KLC1: variants seen among roughly 807,000 people sequenced by gnomAD.
KLC1 encodes kinesin 2 60/70kDa.
Under a neutral mutation model 84.2 loss-of-function variants are expected in KLC1, and 30 were observed. The observed-to-expected ratio is 0.36, with a 90% CI of 0.27 to 0.48. The LOEUF is 0.48. Among genes scored for constraint, KLC1 ranks in the 20% least tolerant of loss-of-function variants. The probability of loss-of-function intolerance (pLI) is 0.99; values close to 1 mark genes in which losing one functional copy is unlikely to be tolerated. For missense variants in KLC1, 499 were observed against 805.4 expected (o/e 0.62, Z 4.60); for synonymous variants, 289 against 293.3 (o/e 0.99, Z 0.15).
rs2082275606 is a variant in KLC1 at position 103,694,046 on chromosome 14, T to C, written c.1848+1621T>C. 12 of 997,062 alleles carry C rather than the reference T, an allele frequency of 1.2e-5. No individual in the cohort carries two copies. Among genetic ancestry groups the C allele is most frequent in the Non-Finnish European group, 1.4e-5 (12 of 836,292 alleles). The allele number at this position is 997,062 out of a possible 1,614,324, so 61.8% of individuals were successfully genotyped here. ...ACATAAAGTACCCCTTTCAGAACGATAGGCATTTAGTGATCTATGGCAGTA... is the reference window on the plus strand; with the variant it reads ...ACATAAAGTACCCCTTTCAGAACGACAGGCATTTAGTGATCTATGGCAGTA... On this transcript the variant is annotated intron_variant, in intron 15 of 16. Transcript: ENST00000334553. This position sits in a 1 kb window ranked among gnomAD's most constrained non-coding sequence, Gnocchi z 4.5.
Position 103,673,038 on chromosome 14 carries a change from G to T in KLC1, c.1012G>T (p.Val338Phe). 1 of 1,613,984 alleles carries T rather than the reference G, an allele frequency of 6.2e-7. No homozygotes were observed. Among genetic ancestry groups the T allele is most frequent in the Non-Finnish European group, 8.5e-7 (1 of 1,179,996 alleles). ...GGTTTTGGGGAAGGATCACCCCGAT[G>T]TTGCCAAGCAGTTAAATAACTTGGC... The part of the protein sequence containing the change: ...EKVLGKDHPD[V>F]AKQLNNLALL... Residue 338 changes from valine to phenylalanine, a missense_variant, in exon 8 of 17, where the codon GTT (valine) becomes TTT (phenylalanine). Transcript: ENST00000334553.
chr14:103,700,465 C>T, intron 15 of KLC1, 190 bp from the exon 16 acceptor site: 1 of 501,732 alleles, frequency 2.0e-6, no homozygotes, highest in South Asian at 3.0e-5. Flanking sequence ...CTCCTGGCAC[C>T]AAGCAGTGTA....
chr14:103,693,694 C>G lies in KLC1; in HGVS notation c.1848+1269C>G. The G allele has an allele frequency of 6.6e-7, 1 of 1,510,100 alleles. No individual in the cohort carries two copies. The allele number at this position is 1,510,100 out of a possible 1,614,324, so 93.5% of individuals were successfully genotyped here. ...CTGCCACGCCCCTCACCGCCCTGCC[C>G]GGAGGCGCCAGCCGCACTCCTTGGC... is the stretch of plus-strand genomic sequence containing the variant. On this transcript the variant is annotated intron_variant, in intron 15 of 16. Transcript: ENST00000334553. The surrounding 1 kb of genome is among the most constrained non-coding windows in gnomAD (Gnocchi z 5.1).
rs540399555 is a variant in KLC1 at position 103,688,441 on chromosome 14, G to A, written c.1781+1230G>A. ...GCTGGGATTACAGGTGTGAGCCACC[G>A]TGCCTGGCCTATTTTGTCTTTTAAA... is the stretch of plus-strand genomic sequence containing the variant. On this transcript the variant is annotated intron_variant, in intron 14 of 16. Transcript: ENST00000334553. Among the ~76,000 whole-genome samples, 12 of 152,188 alleles carry A rather than the reference G, an allele frequency of 7.9e-5. No homozygotes were observed. The South Asian group carries it at 1.7e-3, about 21-fold the overall frequency.
At chr14:103,673,271 A>C in intron 8 of KLC1, 61 bp from the exon 9 acceptor site, 1 of 1,552,966 alleles carries the variant, frequency 6.4e-7, no homozygotes, top group South Asian at 1.2e-5. Flanking sequence ...ACTGGAGATT[A>C]AAATGTATGC....
intron 13 of KLC1, among the ~76,000 whole-genome samples, chr14:103,681,528 C>T (rs773950534): frequency 9.2e-5 from 14 of 151,984 alleles, no homozygotes; most frequent in South Asian, 2.1e-4. Context: ...CACGCTATCT[C>T]GGCTCACTGC....
intron 1 of KLC1, among the ~76,000 whole-genome samples, chr14:103,637,140 T>A (rs192405510): frequency 1.3e-5 from 2 of 152,166 alleles, no homozygotes; most frequent in East Asian, 3.9e-4. Flanking sequence ...GTCGCAAATA[T>A]TTTTTCCTAA....
At chr14:103,700,629 G>A in intron 15 of KLC1, 26 bp from the exon 16 acceptor site, 1 of 1,597,556 alleles carries the variant, frequency 6.3e-7, no homozygotes, top group African/African-American at 1.4e-5. Context: ...CGCCCTGAGT[G>A]AAACTCGTCT....
intron 2 of KLC1, among the ~76,000 whole-genome samples, chr14:103,656,715 A>G (rs1318474376): frequency 1.3e-5 from 2 of 152,220 alleles, no homozygotes; most frequent in African/African-American, 4.8e-5. Context: ...ATGAATTTAA[A>G]CTTGCTTTTT....
At position 103,693,412 on chromosome 14, in the gene KLC1, A is replaced by T; in HGVS notation, c.1848+987A>T. ...CCCTCCAGTTTCTTGGAGTTTCTAC[A>T]TGCACATTGACCCCTGGGCCTCTCG... On this transcript the variant is annotated intron_variant, in intron 15 of 16. Transcript: ENST00000334553. The surrounding 1 kb of genome is among the most constrained non-coding windows in gnomAD (Gnocchi z 5.1). 3 of 1,304,696 alleles carry T rather than the reference A, an allele frequency of 2.3e-6. No individual in the cohort carries two copies. The East Asian group carries it at 7.6e-5, about 33-fold the overall frequency. 80.8% of individuals were successfully genotyped at this position (1,304,696 alleles called of 1,614,324 possible).
At chr14:103,685,336 C>T in intron 13 of KLC1, 4 of 1,265,176 alleles carry the variant, frequency 3.2e-6, no homozygotes, top group Non-Finnish European at 4.0e-6. Context: ...AAGCCTTTTA[C>T]ACCAAGTGTC....
intron 1 of KLC1, among the ~76,000 whole-genome samples, chr14:103,650,375 C>T (rs765455552): frequency 7.9e-5 from 12 of 152,004 alleles, no homozygotes; most frequent in Admixed American, 3.3e-4. Flanking sequence ...ATTGCATGCC[C>T]GTGGGTTGCT....
intron 15 of KLC1, among the ~76,000 whole-genome samples, chr14:103,692,900 G>C (rs1443896561): frequency 6.6e-6 from 1 of 152,214 alleles, no homozygotes; most frequent in Non-Finnish European, 1.5e-5. Context: ...AGCACTCGGT[G>C]CAGTTGCTCG....
intron 1 of KLC1, among the ~76,000 whole-genome samples, chr14:103,647,125 A>G (rs1435157935): frequency 6.6e-6 from 1 of 152,160 alleles, no homozygotes; most frequent in Non-Finnish European, 1.5e-5. Context: ...GTTGAATAAT[A>G]CAAACATGCT....
chr14:103,689,775 G>A (rs989469260), intron 14 of KLC1, among the ~76,000 whole-genome samples: 1 of 152,206 alleles, frequency 6.6e-6, no homozygotes, highest in Non-Finnish European at 1.5e-5. Flanking sequence ...TGAATGCCAC[G>A]TGTTCAAACA....
intron 11 of KLC1, among the ~76,000 whole-genome samples, chr14:103,676,182 C>T (rs1595498602): frequency 1.3e-5 from 2 of 152,328 alleles, no homozygotes; most frequent in East Asian, 1.9e-4. Context: ...GAGAGCCTTG[C>T]CTCTTGAGCC....
At chr14:103,699,536 A>C in intron 15 of KLC1, 1 of 1,613,438 alleles carries the variant, frequency 6.2e-7, no homozygotes, top group South Asian at 1.1e-5. Context: ...CCGAGACAGC[A>C]GTACGGGGAC....
In KLC1 at chr14:103,698,802, T is replaced by G. The variant is rs920636272; in HGVS notation, c.1849-1853T>G. On this transcript the variant is annotated intron_variant, in intron 15 of 16. Coordinates refer to ENST00000334553, the MANE Select transcript of KLC1 (RefSeq NM_001394837.1). The stretch of plus-strand genomic sequence containing the variant: ...TGTTGTGCAGCCGCCACCGTGTCAG[T>G]GGGACTGGGTCCCAGGTGTCCCTCG... 1.9e-5 allele frequency: 31 copies of G among 1,595,512 alleles called. 1 individual carries two copies. The East Asian group carries it at 7.0e-4, about 36-fold the overall frequency.
intron 1 of KLC1, among the ~76,000 whole-genome samples, chr14:103,646,846 A>G (rs1220860367): frequency 6.6e-6 from 1 of 151,988 alleles, no homozygotes; most frequent in Non-Finnish European, 1.5e-5. Context: ...TCCTGGGTTC[A>G]AGGGATCCTC....
Sources: gnomAD v4.1 joint callset for allele counts (sites outside exome capture counted in the v4.1 genomes callset) on GRCh38, gnomAD v4.1.1 for gene constraint, Gnocchi (gnomAD v3.1) non-coding constraint, MANE v1.5 for transcripts, NCBI Gene and HGNC (gene_info 2026-07-23, HGNC 2026-07-21) for gene names.